The following AKIRIN2 variants were observed in gnomAD, a reference collection of about 807,000 sequenced individuals.
The protein encoded by AKIRIN2 is akirin-2.
AKIRIN2 carries 6 observed loss-of-function variants against 29.3 expected under a neutral mutation model. That is an observed-to-expected ratio of 0.20 (90% CI 0.11 to 0.40). The LOEUF (loss-of-function observed/expected upper bound fraction) is 0.40. Ranked by LOEUF, AKIRIN2 falls within the 10% of genes least tolerant of loss-of-function variation. The pLI is 1.00. For missense variants in AKIRIN2, 210 were observed against 276.1 expected (o/e 0.76, Z 1.70); for synonymous variants, 128 against 117.5 (o/e 1.09, Z -0.58).
chr6:87,689,417 G>A (rs908612864), intron 1 of AKIRIN2, among the ~76,000 whole-genome samples: 7 of 152,186 alleles, frequency 4.6e-5, no homozygotes, highest in Non-Finnish European at 1.0e-4. Context: ...GGCAGAGGTT[G>A]CAGTGAGCCG....
chr6:87,681,652 T>C lies in AKIRIN2; in HGVS notation c.347A>G (p.His116Arg), dbSNP rs911061943. ...AGCTGGTCCACTGAGGAGAAATGCA[T>C]GTGGCTGTGCATCAGAAGTACAACA... The part of the protein sequence containing the change: ...DPCCTSDAQP[H>R]AFLLSGPASP... Residue 116 changes from histidine to arginine, a missense_variant, in exon 2 of 5, where the codon CAT (histidine) becomes CGT (arginine). By Grantham distance (29) the His-to-Arg change is conservative. Transcript: ENST00000257787. 1.2e-6 allele frequency: 2 copies of C among 1,612,328 alleles called. No homozygotes were observed. The highest frequency in any genetic ancestry group is 8.5e-7 in the Non-Finnish European group (1 of 1,179,560).
At chr6:87,681,804 C>A (rs749153357) in intron 1 of AKIRIN2, 41 bp from the exon 2 acceptor site, 10 of 1,484,230 alleles carry the variant, frequency 6.7e-6, no homozygotes, top group Non-Finnish European at 9.1e-6. Flanking sequence ...TAAAAACTTT[C>A]ACATTAAAAA....
intron 2 of AKIRIN2, among the ~76,000 whole-genome samples, chr6:87,680,463 G>C (rs1771100467): frequency 6.6e-6 from 1 of 150,866 alleles, no homozygotes; most frequent in African/African-American, 2.4e-5. Context: ...AGTAGAGACG[G>C]GGTTTCACTG....
intron 1 of AKIRIN2, among the ~76,000 whole-genome samples, chr6:87,687,450 A>AAAAAC (rs1554257468): frequency 1.3e-5 from 2 of 151,258 alleles, no homozygotes; most frequent in African/African-American, 2.4e-5. Flanking sequence ...AAAAAAAAAA[A>AAAAAC]AAAAAACACA....
In AKIRIN2 at chr6:87,701,398, C is replaced by T. The variant is rs557917956; in HGVS notation, c.235+52G>A. On this transcript the variant is annotated intron_variant, in intron 1 of 4. Coordinates refer to ENST00000257787, the MANE Select transcript of AKIRIN2 (RefSeq NM_018064.4). ...GGGGCCGCATCCCACACCCCAGGAC[C>T]CCTGTTCCCAGTTCTCTCCACTACC... 7.2e-6 allele frequency: 11 copies of T among 1,522,730 alleles called. No homozygotes were observed. The African/African-American group carries it at 1.3e-4, about 18-fold the overall frequency. The allele number at this position is 1,522,730 out of a possible 1,614,324, so 94.3% of individuals were successfully genotyped here.
chr6:87,678,314 A>G (rs556364461), intron 2 of AKIRIN2, among the ~76,000 whole-genome samples: 6 of 150,854 alleles, frequency 4.0e-5, no homozygotes, highest in South Asian at 2.1e-4. Flanking sequence ...CCTGGCCAAC[A>G]TGGTGAAACC....
intron 1 of AKIRIN2, 117 bp from the exon 2 acceptor site, chr6:87,681,880 C>T: frequency 1.1e-6 from 1 of 872,504 alleles, no homozygotes; most frequent in South Asian, 2.1e-5. Context: ...CAAATAATAT[C>T]CAGAAAACTG....
chr6:87,678,251 C>T (rs751593359), intron 2 of AKIRIN2, among the ~76,000 whole-genome samples: 2 of 152,120 alleles, frequency 1.3e-5, no homozygotes, highest in African/African-American at 2.4e-5. Flanking sequence ...TGCTCACCGC[C>T]TGTAATCAGG....
At chr6:87,679,380 T>A (rs1771082038) in intron 2 of AKIRIN2, among the ~76,000 whole-genome samples, 1 of 144,582 alleles carries the variant, frequency 6.9e-6, no homozygotes, top group East Asian at 1.9e-4. Context: ...AAAGATTGGC[T>A]GGGAGTGGTG....
At chr6:87,701,371 C>CA in intron 1 of AKIRIN2, 79 bp downstream of exon 1, 1 of 1,423,634 alleles carries the variant, frequency 7.0e-7, no homozygotes. Context: ...ACCCCCACCC[C>CA]AGGGGCCGCA....
intron 1 of AKIRIN2, among the ~76,000 whole-genome samples, chr6:87,682,680 A>G (rs1295830938): frequency 1.3e-5 from 2 of 152,218 alleles, no homozygotes; most frequent in Non-Finnish European, 2.9e-5. Context: ...AAGTTTACTA[A>G]CCAAAATCCA....
At chr6:87,688,709 A>G (rs957557282) in intron 1 of AKIRIN2, among the ~76,000 whole-genome samples, 4 of 152,134 alleles carry the variant, frequency 2.6e-5, no homozygotes, top group African/African-American at 7.2e-5. Flanking sequence ...GCCGAGATTA[A>G]GCCAATGCAC....
At chr6:87,695,471 TTAAA>T (rs1409364019) in intron 1 of AKIRIN2, among the ~76,000 whole-genome samples, 5 of 152,362 alleles carry the variant, frequency 3.3e-5, no homozygotes, top group African/African-American at 4.8e-5. Context: ...TTGTATAGGC[TTAAA>T]TAAATATTTT....
chr6:87,699,336 T>C (rs1047914792), intron 1 of AKIRIN2, among the ~76,000 whole-genome samples: 1 of 152,154 alleles, frequency 6.6e-6, no homozygotes, highest in Non-Finnish European at 1.5e-5. Context: ...TCAAACTAAA[T>C]TACATTTAGA....
intron 2 of AKIRIN2, among the ~76,000 whole-genome samples, chr6:87,679,615 C>T (rs1035702677): frequency 3.3e-5 from 5 of 152,272 alleles, no homozygotes; most frequent in Admixed American, 2.0e-4. Flanking sequence ...AACAACAATT[C>T]GCATGGAAAA....
chr6:87,686,604 C>T (rs2814712), intron 1 of AKIRIN2, among the ~76,000 whole-genome samples: 1 of 151,656 alleles, frequency 6.6e-6, no homozygotes, highest in Admixed American at 6.6e-5. Context: ...TCAAACATTA[C>T]GGTTTCGCGA....
At chr6:87,692,993 C>T (rs1014794322) in intron 1 of AKIRIN2, among the ~76,000 whole-genome samples, 2 of 152,080 alleles carry the variant, frequency 1.3e-5, no homozygotes, top group Non-Finnish European at 2.9e-5. Flanking sequence ...CTTTGGGAGG[C>T]TGTGGTGGTC....
intron 2 of AKIRIN2, among the ~76,000 whole-genome samples, chr6:87,679,608 A>G (rs77147595): frequency 1.7e-3 from 256 of 152,326 alleles, no homozygotes; most frequent in African/African-American, 5.7e-3. Context: ...TTAAGTTAAC[A>G]ACAATTCGCA....
intron 1 of AKIRIN2, among the ~76,000 whole-genome samples, chr6:87,694,042 T>C (rs1771321049): frequency 6.6e-6 from 1 of 152,190 alleles, no homozygotes. Context: ...TTCTTCAAAC[T>C]TCACTGTACA....
Sources: gnomAD v4.1 joint callset for allele counts (sites outside exome capture counted in the v4.1 genomes callset) on GRCh38, gnomAD v4.1.1 for gene constraint, MANE v1.5 for transcripts, NCBI Gene and HGNC (gene_info 2026-07-23, HGNC 2026-07-21) for gene names.